Variants in DLGAP2 observed in about 807,000 individuals in gnomAD.
DLGAP2 encodes the protein disks large-associated protein 2.
A neutral mutation model predicts 100.3 loss-of-function variants in DLGAP2; 26 were observed. The ratio of observed to expected loss-of-function variants is 0.26; its 90% confidence interval spans 0.19 to 0.36. DLGAP2 has a LOEUF of 0.36. Among genes scored for constraint, DLGAP2 ranks in the 10% least tolerant of loss-of-function variants. The pLI, the probability that DLGAP2 is intolerant of heterozygous loss-of-function variation, is 1.00. For synonymous variants in DLGAP2, 886 were observed against 630.1 expected, an observed-to-expected ratio of 1.41 and a Z score of -6.08; for missense variants, 1,858 against 1,453.2, an observed-to-expected ratio of 1.28 and a Z score of -4.53.
intron 2 of DLGAP2, chr8:1,018,887 C>G (rs534628712): frequency 4.6e-5 from 7 of 152,272 alleles, no homozygotes; most frequent in African/African-American, 1.7e-4. Context: ...TGTGCAATGA[C>G]AAGCTGGTGT....
At chr8:1,285,612 G>A (rs1461567882) in intron 3 of DLGAP2, among the ~76,000 whole-genome samples, 1 of 152,170 alleles carries the variant, frequency 6.6e-6, no homozygotes, top group Non-Finnish European at 1.5e-5. Flanking sequence ...AATAATCACT[G>A]CTTTTTCAGA....
At chr8:1,242,351 C>G (rs145579149) in intron 2 of DLGAP2, among the ~76,000 whole-genome samples, 17 of 152,332 alleles carry the variant, frequency 1.1e-4, no homozygotes, top group Non-Finnish European at 2.1e-4. Context: ...ATGCCATTAC[C>G]TGCTCATGGC....
In DLGAP2 at chr8:1,540,976, G is replaced by A. The variant is rs6981689; in HGVS notation, c.173-7650G>A. 8.6e-3 allele frequency among the ~76,000 whole-genome samples: 1,302 copies of A among 152,274 alleles called. 27 individuals are homozygous for A. Among genetic ancestry groups the A allele is most frequent in the African/African-American group, 0.03 (1,262 of 41,548 alleles). On this transcript the variant is annotated intron_variant, in intron 4 of 14. Transcript: ENST00000637795. The stretch of plus-strand genomic sequence containing the variant: ...CAGCAGAATCGTTTCCACAGAATTC[G>A]GCCCAGGGATCCACAGTTTGGTAAC...
chr8:1,641,848 T>G (rs1797907708), intron 8 of DLGAP2, among the ~76,000 whole-genome samples: 1 of 151,994 alleles, frequency 6.6e-6, no homozygotes, highest in African/African-American at 2.4e-5. Flanking sequence ...ATGGAAGTAC[T>G]GTTGAATCTG....
At chr8:968,157 G>C (rs1255465743) in intron 2 of DLGAP2, among the ~76,000 whole-genome samples, 2 of 151,854 alleles carry the variant, frequency 1.3e-5, no homozygotes, top group East Asian at 3.9e-4. Flanking sequence ...TGTGACTTCT[G>C]TTTATGTTGT....
chr8:1,027,613 G>A (rs544217074), intron 2 of DLGAP2, among the ~76,000 whole-genome samples: 73 of 146,266 alleles, frequency 5.0e-4, no homozygotes, highest in Non-Finnish European at 9.1e-4. Context: ...TATTCTCCAG[G>A]TGGGGTGTCA....
chr8:1,182,802 A>C (rs796743961), intron 2 of DLGAP2, among the ~76,000 whole-genome samples: 1 of 152,204 alleles, frequency 6.6e-6, no homozygotes, highest in African/African-American at 2.4e-5. Flanking sequence ...GGGAGAGTCC[A>C]CGGGTCGGCA....
At chr8:1,320,636 T>C (rs982997515) in intron 3 of DLGAP2, among the ~76,000 whole-genome samples, 2 of 152,200 alleles carry the variant, frequency 1.3e-5, no homozygotes, top group African/African-American at 4.8e-5. Flanking sequence ...CATATGGGAC[T>C]AATTGCAGGT....
In DLGAP2 at chr8:1,704,359, C is replaced by G. The variant is rs1315816323; in HGVS notation, c.*2953C>G. On this transcript the variant is annotated 3_prime_UTR_variant, in exon 15 of 15. Transcript: ENST00000637795. ...CAATGACAGGTGAAACCCAGACACTCTCCTTAGAGCCGACAGGTTGATCCT... is the reference window on the plus strand; with the variant it reads ...CAATGACAGGTGAAACCCAGACACTGTCCTTAGAGCCGACAGGTTGATCCT... The G allele has an allele frequency of 6.6e-6, 1 of 152,174 alleles. No homozygotes were observed. The highest frequency in any genetic ancestry group is 6.5e-5 in the Admixed American group (1 of 15,282). The allele number at this position is 152,174 out of a possible 1,614,324, so 9.4% of individuals were successfully genotyped here. A position where few individuals can be genotyped will look rare whatever the true frequency, so the allele number is the denominator to read the frequency against.
At chr8:946,413 G>A (rs11137113) in intron 2 of DLGAP2, among the ~76,000 whole-genome samples, 9,729 of 151,896 alleles carry the variant, frequency 0.064, 443 homozygotes, top group Admixed American at 0.12. Flanking sequence ...ACAGGCGCCC[G>A]CCACCACGCC....
intron 5 of DLGAP2, among the ~76,000 whole-genome samples, chr8:1,564,827 A>G (rs1238336213): frequency 6.6e-6 from 1 of 152,202 alleles, no homozygotes; most frequent in African/African-American, 2.4e-5. Context: ...ACACAGATAT[A>G]TTGCATGCAC....
intron 2 of DLGAP2, among the ~76,000 whole-genome samples, chr8:1,068,251 C>T (rs1362830757): frequency 6.6e-6 from 1 of 152,206 alleles, no homozygotes; most frequent in Non-Finnish European, 1.5e-5. Flanking sequence ...ATGAATGAAG[C>T]TGCCATAAAC....
In DLGAP2 at chr8:1,548,437, C is replaced by G. The variant is rs545111897; in HGVS notation, c.173-189C>G. ...TCGCGCCATTGCACTCCAGCCTGGG[C>G]GACAGAGCGAGACTGTCTCAGAAAA... is the stretch of plus-strand genomic sequence containing the variant. On this transcript the variant is annotated intron_variant, in intron 4 of 14. Coordinates refer to ENST00000637795, the MANE Select transcript of DLGAP2 (RefSeq NM_001346810.2). Among the ~76,000 whole-genome samples, 3 of 122,810 alleles carry G rather than the reference C, an allele frequency of 2.4e-5. No individual in the cohort carries two copies. In the South Asian group the frequency reaches 8.5e-4, roughly 35 times the overall value. The allele number at this position is 122,810 out of a possible 152,430, so 80.6% of individuals were successfully genotyped here.
At chr8:1,601,430 G>A (rs1796620233) in intron 6 of DLGAP2, among the ~76,000 whole-genome samples, 1 of 152,352 alleles carries the variant, frequency 6.6e-6, no homozygotes, top group East Asian at 1.9e-4. Flanking sequence ...TCTCTTCAGA[G>A]CCGAGAGGCA....
chr8:1,500,919 G>C (rs1315739573), intron 3 of DLGAP2, among the ~76,000 whole-genome samples: 2 of 152,164 alleles, frequency 1.3e-5, no homozygotes, highest in Non-Finnish European at 2.9e-5. Context: ...ATGAGGCTTC[G>C]AATGGCATGA....
At chr8:1,145,612 G>C (rs528996160) in intron 2 of DLGAP2, among the ~76,000 whole-genome samples, 1 of 152,034 alleles carries the variant, frequency 6.6e-6, no homozygotes, top group South Asian at 2.1e-4. Context: ...ATCTATGGAT[G>C]TATTCTTTTT....
chr8:1,266,065 C>T (rs999644765), intron 3 of DLGAP2, among the ~76,000 whole-genome samples: 7 of 152,308 alleles, frequency 4.6e-5, no homozygotes, highest in Admixed American at 3.9e-4. Flanking sequence ...TGACAGGGGA[C>T]ACCCTTGTCT....
At chr8:1,019,609 C>T (rs559383002) in intron 2 of DLGAP2, 3 of 149,370 alleles carry the variant, frequency 2.0e-5, no homozygotes, top group East Asian at 4.0e-4. Flanking sequence ...GCTGGAATTT[C>T]GTGATCTCTG....
At chr8:1,455,003 G>A (rs1213172268) in intron 3 of DLGAP2, among the ~76,000 whole-genome samples, 1 of 152,152 alleles carries the variant, frequency 6.6e-6, no homozygotes, top group Non-Finnish European at 1.5e-5. Context: ...AGCCACCCGT[G>A]AGCACTGTCA....
Sources: allele counts gnomAD v4.1 joint callset (sites outside exome capture counted in the v4.1 genomes callset), GRCh38; gene constraint gnomAD v4.1.1; transcripts MANE v1.5; gene names NCBI Gene and HGNC (gene_info 2026-07-23, HGNC 2026-07-21).